Variants in ERCC6L2 observed in about 807,000 individuals in gnomAD.
ERCC6L2 encodes the protein ERCC excision repair 6 like 2, also known as DNA excision repair protein ERCC-6-like 2.
In ERCC6L2, 77 loss-of-function variants were observed where a neutral mutation model predicts 132.0. The observed-to-expected ratio is 0.58, with a 90% CI of 0.49 to 0.71. The LOEUF is 0.71. ERCC6L2 is among the 30% of genes least tolerant of loss of function. The pLI is 0.00. For synonymous variants in ERCC6L2, 583 were observed against 632.4 expected (o/e 0.92, Z 1.17); for missense variants, 1,542 against 1,837.6 (o/e 0.84, Z 2.94).
chr9:95,914,378 G>A (rs1325448574), intron 4 of ERCC6L2, among the ~76,000 whole-genome samples: 6 of 151,034 alleles, frequency 4.0e-5, no homozygotes, highest in Non-Finnish European at 7.4e-5. Flanking sequence ...TTTTTGAGAC[G>A]GAGTCTTGCT....
chr9:95,881,641 C>G (rs1386772871), intron 2 of ERCC6L2, among the ~76,000 whole-genome samples: 1 of 152,090 alleles, frequency 6.6e-6, no homozygotes, highest in Non-Finnish European at 1.5e-5. Context: ...TTTGTTATGC[C>G]ACATAGCATG....
At chr9:95,906,926 C>A in intron 3 of ERCC6L2, 152 bp from the exon 4 acceptor site, 1 of 626,000 alleles carries the variant, frequency 1.6e-6, no homozygotes, top group Non-Finnish European at 2.8e-6. Flanking sequence ...TCTTCAATGT[C>A]CAGATATAGC....
chr9:96,036,155 T>A (rs1834516963), intron 19 of ERCC6L2, among the ~76,000 whole-genome samples: 1 of 152,128 alleles, frequency 6.6e-6, no homozygotes, highest in South Asian at 2.1e-4. Context: ...CCAGAACGCT[T>A]TCCTTTGGCA....
intron 11 of ERCC6L2, among the ~76,000 whole-genome samples, chr9:95,932,520 T>G (rs180697574): frequency 6.6e-6 from 1 of 152,286 alleles, no homozygotes; most frequent in African/African-American, 2.4e-5. Context: ...TCCTGGGGTT[T>G]GTTTTTTGTT....
At position 95,897,920 on chromosome 9, in the gene ERCC6L2, G is replaced by C; in HGVS notation, c.543G>C (p.Glu181Asp). 6.2e-7 allele frequency: 1 copy of C among 1,612,288 alleles called. No homozygotes were observed. The highest frequency in any genetic ancestry group is 8.5e-7 in the Non-Finnish European group (1 of 1,179,202). ...AGGATATTGAAAATAACATGCCAGA[G>C]TTTTTACTAAGAAGTATGAAAAAGG... is the stretch of plus-strand genomic sequence containing the variant. Reference protein sequence around the residue: ...TREDIENNMPEFLLRSMKKEP... With the variant: ...TREDIENNMPDFLLRSMKKEP... Residue 181 changes from glutamate to aspartate, a missense_variant, in exon 3 of 19, where the codon GAG (glutamate) becomes GAC (aspartate). By Grantham distance (45) the Glu-to-Asp change is conservative. Transcript: ENST00000653738.
At chr9:95,892,168 A>G (rs1035833469) in intron 2 of ERCC6L2, among the ~76,000 whole-genome samples, 6 of 152,088 alleles carry the variant, frequency 3.9e-5, no homozygotes, top group African/African-American at 1.4e-4. Flanking sequence ...TCACTTAAAC[A>G]TAGGTCTTGG....
intron 11 of ERCC6L2, among the ~76,000 whole-genome samples, chr9:95,931,928 C>T (rs1442773395): frequency 1.3e-5 from 2 of 151,826 alleles, no homozygotes; most frequent in African/African-American, 2.4e-5. Flanking sequence ...CTGCTCCCTC[C>T]CTCTGGCATG....
At chr9:96,034,474 A>G (rs911028854) in intron 19 of ERCC6L2, among the ~76,000 whole-genome samples, 1 of 152,206 alleles carries the variant, frequency 6.6e-6, no homozygotes, top group African/African-American at 2.4e-5. Context: ...TAAATTTGCA[A>G]AGGAGGCTGG....
intron 3 of ERCC6L2, among the ~76,000 whole-genome samples, chr9:95,904,306 ATATAT>A: frequency 6.6e-6 from 1 of 152,114 alleles, no homozygotes; most frequent in Admixed American, 6.6e-5. Context: ...TCCTCTGAAC[ATATAT>A]TATTATTCCG....
intron 11 of ERCC6L2, among the ~76,000 whole-genome samples, chr9:95,930,343 A>C (rs760664642): frequency 4.6e-5 from 7 of 152,154 alleles, no homozygotes; most frequent in Non-Finnish European, 8.8e-5. Flanking sequence ...ATAAGTCATT[A>C]TATAAGGAAC....
intron 17 of ERCC6L2, among the ~76,000 whole-genome samples, chr9:95,996,250 C>G (rs900598765): frequency 3.9e-5 from 6 of 152,226 alleles, no homozygotes; most frequent in Non-Finnish European, 8.8e-5. Flanking sequence ...TCCCTTAAGC[C>G]TAGGCAAGGC....
At chr9:96,040,983 G>A (rs535878019) in intron 20 of ERCC6L2, among the ~76,000 whole-genome samples, 1 of 152,348 alleles carries the variant, frequency 6.6e-6, no homozygotes, top group East Asian at 1.9e-4. Flanking sequence ...ATATTATACA[G>A]AGTCTTGTCC....
intron 1 of ERCC6L2, among the ~76,000 whole-genome samples, chr9:95,879,074 T>G (rs546832980): frequency 6.6e-6 from 1 of 151,406 alleles, no homozygotes; most frequent in African/African-American, 2.4e-5. Flanking sequence ...CCTGAGGAAT[T>G]GCCACACTGA....
At chr9:96,009,344 T>G (rs572810093) in intron 18 of ERCC6L2, among the ~76,000 whole-genome samples, 1 of 152,340 alleles carries the variant, frequency 6.6e-6, no homozygotes, top group Admixed American at 6.5e-5. Context: ...TTTACCACCC[T>G]CTTTTCCATT....
chr9:96,020,355 G>A (rs1047825856), downstream of ERCC6L2: 1 of 186,808 alleles, frequency 5.4e-6, no homozygotes, highest in African/African-American at 2.4e-5. Flanking sequence ...GCCTTCAGCA[G>A]GTGGATAAGA....
In ERCC6L2 at chr9:96,013,204, G is replaced by T; in HGVS notation, c.*1G>T. On this transcript the variant is annotated 3_prime_UTR_variant, in exon 19 of 19. Coordinates refer to ENST00000653738, the MANE Select transcript of ERCC6L2 (RefSeq NM_020207.7). Reference sequence around the variant, plus strand: ...AACCAATACACAGAGTACCACATAAGCATATAAATGAATTACTGCACCAGT... The same window carrying T: ...AACCAATACACAGAGTACCACATAATCATATAAATGAATTACTGCACCAGT... The T allele has an allele frequency of 7.4e-7, 1 of 1,346,484 alleles. No individual in the cohort carries two copies. Among genetic ancestry groups the T allele is most frequent in the Non-Finnish European group, 9.9e-7 (1 of 1,013,774 alleles). The allele number at this position is 1,346,484 out of a possible 1,614,324, so 83.4% of individuals were successfully genotyped here. A position where few individuals can be genotyped will look rare whatever the true frequency, so the allele number is the denominator to read the frequency against.
intron 16 of ERCC6L2, among the ~76,000 whole-genome samples, chr9:95,975,876 TA>T (rs1051515231): frequency 2.6e-5 from 4 of 151,844 alleles, no homozygotes; most frequent in African/African-American, 4.8e-5. Context: ...TTTTGAAATT[TA>T]AAAAAAAATT....
At chr9:95,991,864 A>G (rs148960732) in intron 17 of ERCC6L2, among the ~76,000 whole-genome samples, 3 of 152,366 alleles carry the variant, frequency 2.0e-5, no homozygotes, top group Admixed American at 1.3e-4. Context: ...AGATACACCA[A>G]TGAATTTTAA....
intron 13 of ERCC6L2, among the ~76,000 whole-genome samples, chr9:95,957,238 A>G (rs180709378): frequency 7.5e-4 from 114 of 152,262 alleles, no homozygotes; most frequent in African/African-American, 2.4e-3. Flanking sequence ...ATTGCTTCCT[A>G]TATGTTCAGT....
Sources: gnomAD v4.1 joint callset for allele counts (sites outside exome capture counted in the v4.1 genomes callset) on GRCh38, gnomAD v4.1.1 for gene constraint, MANE v1.5 for transcripts, NCBI Gene and HGNC (gene_info 2026-07-23, HGNC 2026-07-21) for gene names.